The following KCNC2 variants were observed in gnomAD, a reference collection of about 807,000 sequenced individuals.
KCNC2 encodes voltage-gated potassium channel KCNC2.
KCNC2 carries 21 observed loss-of-function variants against 44.5 expected under a neutral mutation model. The observed-to-expected ratio is 0.47, with a 90% confidence interval of 0.33 to 0.68. The LOEUF is 0.68. Ranked by LOEUF, KCNC2 falls within the 30% of genes least tolerant of loss-of-function variation. The pLI is 0.01. For synonymous variants in KCNC2, 391 were observed against 339.1 expected (o/e 1.15, Z -1.68); for missense variants, 589 against 826.2 (o/e 0.71, Z 3.52).
At chr12:75,180,501 C>T (rs537130289) in intron 2 of KCNC2, among the ~76,000 whole-genome samples, 52 of 151,768 alleles carry the variant, frequency 3.4e-4, no homozygotes, top group Non-Finnish European at 6.3e-4. Flanking sequence ...TTTCATGGTG[C>T]GTACACTGTG....
At chr12:75,107,243 G>A (rs1228222862) in intron 2 of KCNC2, among the ~76,000 whole-genome samples, 1 of 152,138 alleles carries the variant, frequency 6.6e-6, no homozygotes, top group Non-Finnish European at 1.5e-5. Flanking sequence ...GGTGGAGGTT[G>A]CAGTGAGCCA....
intron 2 of KCNC2, among the ~76,000 whole-genome samples, chr12:75,085,042 A>AG (rs397815403): frequency 6.6e-6 from 1 of 151,318 alleles, no homozygotes; most frequent in African/African-American, 2.4e-5. Flanking sequence ...CACAAAAAAA[A>AG]GGACATCATC....
At chr12:75,112,294 G>A (rs2446339) in intron 2 of KCNC2, among the ~76,000 whole-genome samples, 40,076 of 151,772 alleles carry the variant, frequency 0.26, 5,833 homozygotes, top group Middle Eastern at 0.4. Context: ...AGTTGAAGTT[G>A]AGTTATCTGA....
chr12:75,092,379 C>T (rs1343103676), intron 2 of KCNC2, among the ~76,000 whole-genome samples: 1 of 151,500 alleles, frequency 6.6e-6, no homozygotes, highest in South Asian at 2.1e-4. Context: ...ATTTTCTTGA[C>T]AAAGTTTTGA....
chr12:75,124,445 A>T (rs1399301211), intron 2 of KCNC2, among the ~76,000 whole-genome samples: 1 of 152,194 alleles, frequency 6.6e-6, no homozygotes, highest in African/African-American at 2.4e-5. Flanking sequence ...GTTATTAAGG[A>T]TTAAGAGTCT....
chr12:75,066,549 C>G (rs1176853685), intron 2 of KCNC2, among the ~76,000 whole-genome samples: 1 of 152,164 alleles, frequency 6.6e-6, no homozygotes, highest in Non-Finnish European at 1.5e-5. Context: ...ATGAATAGCA[C>G]TTTCCTACTA....
At chr12:75,055,632 A>C in intron 2 of KCNC2, among the ~76,000 whole-genome samples, 1 of 152,058 alleles carries the variant, frequency 6.6e-6, no homozygotes, top group East Asian at 1.9e-4. Flanking sequence ...TCAGAGTAAA[A>C]ATACTCTGTT....
chr12:75,048,412 C>T (rs971056248), intron 3 of KCNC2, 95 bp from the exon 4 acceptor site: 4 of 909,700 alleles, frequency 4.4e-6, no homozygotes, highest in Admixed American at 3.4e-5. Flanking sequence ...TCCAGTCACT[C>T]GATATACAAC....
intron 2 of KCNC2, among the ~76,000 whole-genome samples, chr12:75,106,005 A>G (rs74510047): frequency 0.16 from 23,543 of 151,676 alleles, 1,954 homozygotes; most frequent in Middle Eastern, 0.24. Context: ...AGCTCCCAGA[A>G]AATTCAATCA....
intron 2 of KCNC2, among the ~76,000 whole-genome samples, chr12:75,140,364 A>G (rs1023859752): frequency 6.6e-6 from 1 of 152,208 alleles, no homozygotes; most frequent in African/African-American, 2.4e-5. Flanking sequence ...GTGATTTGTC[A>G]GGGACCATTA....
intron 2 of KCNC2, among the ~76,000 whole-genome samples, chr12:75,058,754 G>A (rs895677139): frequency 3.3e-5 from 5 of 151,916 alleles, no homozygotes; most frequent in African/African-American, 1.2e-4. Flanking sequence ...TGTTCTTGCT[G>A]TCCTTATTCT....
intron 2 of KCNC2, among the ~76,000 whole-genome samples, chr12:75,185,685 T>C (rs930184350): frequency 1.3e-5 from 2 of 152,122 alleles, no homozygotes; most frequent in African/African-American, 4.8e-5. Context: ...AACTAAGGCA[T>C]ACAAAATTTC....
intron 2 of KCNC2, among the ~76,000 whole-genome samples, chr12:75,135,706 G>A (rs927739198): frequency 8.5e-5 from 13 of 152,120 alleles, no homozygotes; most frequent in African/African-American, 3.1e-4. Flanking sequence ...TGTTCCACAT[G>A]TCATCGAATT....
intron 2 of KCNC2, among the ~76,000 whole-genome samples, chr12:75,128,479 A>T (rs1888595993): frequency 6.6e-6 from 1 of 152,178 alleles, no homozygotes; most frequent in Non-Finnish European, 1.5e-5. Context: ...CTACTCAAAG[A>T]AGGGATTAAA....
chr12:75,170,975 C>T (rs1243686282), intron 2 of KCNC2, among the ~76,000 whole-genome samples: 1 of 151,712 alleles, frequency 6.6e-6, no homozygotes, highest in African/African-American at 2.4e-5. Flanking sequence ...TTCTTGCTAG[C>T]TGTCAGCTTG....
Position 75,041,214 on chromosome 12 carries a change from C to A in KCNC2, c.*1891G>T. Reference sequence around the variant, plus strand: ...GATAAATTCTGTACAACACTGTAGTCAATAACAGCAGCACCAGACAGCATA... The same window carrying A: ...GATAAATTCTGTACAACACTGTAGTAAATAACAGCAGCACCAGACAGCATA... On this transcript the variant is annotated 3_prime_UTR_variant, in exon 5 of 5. Transcript: ENST00000549446. The A allele has an allele frequency of 6.3e-7, 1 of 1,595,140 alleles. No individual in the cohort carries two copies. Among genetic ancestry groups the A allele is most frequent in the South Asian group, 1.1e-5 (1 of 90,972 alleles).
chr12:75,042,363 CTT>C lies in KCNC2; in HGVS notation c.*740_*741del. 6.2e-7 allele frequency: 1 copy of C among 1,612,066 alleles called. No individual in the cohort carries two copies. The highest frequency in any genetic ancestry group is 8.5e-7 in the Non-Finnish European group (1 of 1,178,702). ...TGCGTGTAACCAGTAATGACAACCTCTTTGCAGTTATCTGTGTGCAAACAACC... is the reference window on the plus strand; with the variant it reads ...TGCGTGTAACCAGTAATGACAACCTCTGCAGTTATCTGTGTGCAAACAACC... On this transcript the variant is annotated 3_prime_UTR_variant, in exon 5 of 5. Coordinates refer to ENST00000549446, the MANE Select transcript of KCNC2 (RefSeq NM_139137.4).
At chr12:75,070,307 C>T (rs947926884) in intron 2 of KCNC2, among the ~76,000 whole-genome samples, 18 of 151,094 alleles carry the variant, frequency 1.2e-4, no homozygotes, top group South Asian at 4.2e-4. Flanking sequence ...AAAAATTAGC[C>T]AGTCATGGTG....
intron 2 of KCNC2, among the ~76,000 whole-genome samples, chr12:75,139,900 AG>A (rs1249131545): frequency 6.6e-6 from 1 of 152,224 alleles, no homozygotes; most frequent in African/African-American, 2.4e-5. Flanking sequence ...TGTAAAACTG[AG>A]GCAACAATAT....
Sources: gnomAD v4.1 joint callset for allele counts (sites outside exome capture counted in the v4.1 genomes callset) on GRCh38, gnomAD v4.1.1 for gene constraint, MANE v1.5 for transcripts, NCBI Gene and HGNC (gene_info 2026-07-23, HGNC 2026-07-21) for gene names.